The following HOXC11 variants were observed in gnomAD, a reference collection of about 807,000 sequenced individuals.
HOXC11 encodes the protein homeobox protein Hox-C11.
HOXC11 carries 17 observed loss-of-function variants against 23.6 expected under a neutral mutation model. The ratio of observed to expected loss-of-function variants is 0.72; its 90% CI spans 0.49 to 1.08. HOXC11 has a LOEUF of 1.08. Ranked by LOEUF, HOXC11 falls within the 50% of genes least tolerant of loss-of-function variation. The pLI is 0.00. For missense variants in HOXC11, 413 were observed against 412.1 expected (o/e 1.00, Z -0.02); for synonymous variants, 196 against 183.8 (o/e 1.07, Z -0.54).
rs1939200814 is a variant in HOXC11, at chr12:53,973,969, C to T, written c.682+46C>T. The T allele has an allele frequency of 3.6e-6, 5 of 1,402,830 alleles. No homozygotes were observed. The East Asian group carries it at 1.1e-4, about 30-fold the overall frequency. The allele number at this position is 1,402,830 out of a possible 1,614,324, so 86.9% of individuals were successfully genotyped here. On this transcript the variant is annotated intron_variant, in intron 1 of 1. Coordinates refer to ENST00000546378, the MANE Select transcript of HOXC11 (RefSeq NM_014212.4). The surrounding 1 kb of genome is among the most constrained non-coding windows in gnomAD (Gnocchi z 4.3). Reference sequence around the variant, plus strand: ...AACGGGCGGGCAGCGAGGGAGGGAGCGAGAGAGGGAGGGCGAGAGAAGGGG... The same window carrying T: ...AACGGGCGGGCAGCGAGGGAGGGAGTGAGAGAGGGAGGGCGAGAGAAGGGG...
At position 53,973,844 on chromosome 12, in the gene HOXC11, TGAG is replaced by T. The variant is rs779039291; in HGVS notation, c.610_612del (p.Glu204del). 1,113 of 1,434,670 alleles carry T rather than the reference TGAG, an allele frequency of 7.8e-4. 2 individuals carry two copies. The highest frequency in any genetic ancestry group is 1.7e-3 in the Middle Eastern group (9 of 5,182). The allele number at this position is 1,434,670 out of a possible 1,614,324, so 88.9% of individuals were successfully genotyped here. A position where few individuals can be genotyped will look rare whatever the true frequency, so the allele number is the denominator to read the frequency against. ...CTGAGGCGGGTGCCGAGGCGGAGGC[TGAG>T]GAGGAGAACACAAATCCCAGCTCGT... On this transcript the variant is annotated inframe_deletion, in exon 1 of 2. Transcript: ENST00000546378. The surrounding 1 kb of genome is among the most constrained non-coding windows in gnomAD (Gnocchi z 4.3).
intron 1 of HOXC11, 40 bp from the exon 2 acceptor site, chr12:53,975,141 T>TC: frequency 2.5e-6 from 2 of 795,506 alleles, no homozygotes; most frequent in South Asian, 1.6e-5. Flanking sequence ...CGTGTCTCTC[T>TC]CCCCCCTCTC....
In HOXC11 at chr12:53,975,950, A is replaced by T. The variant is rs1939250437; in HGVS notation, c.*537A>T. The T allele has an allele frequency of 3.9e-6, 1 of 258,294 alleles. No homozygotes were observed. The highest frequency in any genetic ancestry group is 5.3e-5 in the Admixed American group (1 of 18,788). The allele number at this position is 258,294 out of a possible 1,614,324, so 16.0% of individuals were successfully genotyped here. On this transcript the variant is annotated 3_prime_UTR_variant, in exon 2 of 2. Transcript: ENST00000546378. ...CTTCAACCTGGTGTTAGGTGTGCAA[A>T]GTCCGTGTCCTACCTCCGTCTTCGC...
rs1442707417 is a variant in HOXC11, at chr12:53,977,160, T to A, written c.*1747T>A. ...AGATGACCTGCGGGGACAGTCACCA[T>A]ACCCATCTATATTTGCTGCATGTTT... On this transcript the variant is annotated 3_prime_UTR_variant, in exon 2 of 2. Coordinates refer to ENST00000546378, the MANE Select transcript of HOXC11 (RefSeq NM_014212.4). The A allele has an allele frequency of 6.6e-6, 1 of 152,250 alleles. No individual in the cohort carries two copies. Among genetic ancestry groups the A allele is most frequent in the Non-Finnish European group, 1.5e-5 (1 of 68,066 alleles). 9.4% of individuals were successfully genotyped at this position (152,250 alleles called of 1,614,324 possible). A position where few individuals can be genotyped will look rare whatever the true frequency, so the allele number is the denominator to read the frequency against.
In HOXC11 at chr12:53,973,614, C is replaced by T; in HGVS notation, c.373C>T (p.His125Tyr). 6.2e-7 allele frequency: 1 copy of T among 1,613,762 alleles called. No homozygotes were observed. ...AAACGAAGGCTCCTACGGCGGCCAC[C>T]ACCACCCCAGCGCCCCGCACGCAAC... ...MKNEGSYGGHHHPSAPHATPA... is the reference protein window; with the variant it reads ...MKNEGSYGGHYHPSAPHATPA... The change falls in exon 1 of 2, where the codon CAC (histidine) becomes TAC (tyrosine). Residue 125 changes from histidine (H) to tyrosine (Y), a missense_variant. Physicochemically the swap from His to Tyr is moderately conservative, Grantham distance 83 (BLOSUM62 2). Transcript: ENST00000546378. The surrounding 1 kb of genome is among the most constrained non-coding windows in gnomAD (Gnocchi z 4.3).
rs1939245632 is a variant in HOXC11 at position 53,975,722 on chromosome 12, T to C, written c.*309T>C. The stretch of plus-strand genomic sequence containing the variant: ...GAAAACACACCTCGGCGACAATGTC[T>C]TGCTGCTCGGATTAGGTGGGGGAGG... On this transcript the variant is annotated 3_prime_UTR_variant, in exon 2 of 2. Transcript: ENST00000546378. The C allele has an allele frequency of 1.3e-5, 7 of 548,434 alleles. No individual in the cohort carries two copies. Among genetic ancestry groups the C allele is most frequent in the East Asian group, 9.0e-5 (3 of 33,342 alleles). 34.0% of individuals were successfully genotyped at this position (548,434 alleles called of 1,614,324 possible).
In HOXC11 at chr12:53,973,210, C is replaced by T. The variant is rs750802083; in HGVS notation, c.-32C>T. On this transcript the variant is annotated 5_prime_UTR_variant, in exon 1 of 2. Coordinates refer to ENST00000546378, the MANE Select transcript of HOXC11 (RefSeq NM_014212.4). This position sits in a 1 kb window ranked among gnomAD's most constrained non-coding sequence, Gnocchi z 4.3. ...CCCCCTCGCTAGACCGGGTCCAAAACCTCCATCCGGAGCCGGCAGGAGAGG... is the reference window on the plus strand; with the variant it reads ...CCCCCTCGCTAGACCGGGTCCAAAATCTCCATCCGGAGCCGGCAGGAGAGG... 2.6e-6 allele frequency: 4 copies of T among 1,520,168 alleles called. No individual in the cohort carries two copies. The South Asian group carries it at 5.2e-5, about 20-fold the overall frequency. The allele number at this position is 1,520,168 out of a possible 1,614,324, so 94.2% of individuals were successfully genotyped here.
chr12:53,977,208 G>T lies in HOXC11; in HGVS notation c.*1795G>T, dbSNP rs966940180. On this transcript the variant is annotated 3_prime_UTR_variant, in exon 2 of 2. Transcript: ENST00000546378. ...TTTCTTCTGTATAAAGATAATCATG[G>T]CCCTTGCAGTGCTTTCAGTGAGGGC... The T allele has an allele frequency of 6.6e-6, 1 of 152,204 alleles. No individual in the cohort carries two copies. Among genetic ancestry groups the T allele is most frequent in the African/African-American group, 2.4e-5 (1 of 41,434 alleles). The allele number at this position is 152,204 out of a possible 1,614,324, so 9.4% of individuals were successfully genotyped here.
At chr12:53,974,444 G>T (rs909568713) in intron 1 of HOXC11, among the ~76,000 whole-genome samples, 3 of 152,086 alleles carry the variant, frequency 2.0e-5, no homozygotes, top group African/African-American at 7.2e-5. Context: ...GGACCGCTAT[G>T]ATCCTTCTTA....
At position 53,975,440 on chromosome 12, in the gene HOXC11, G is replaced by C; in HGVS notation, c.*27G>C. 1.1e-6 allele frequency: 1 copy of C among 912,430 alleles called. No homozygotes were observed. Among genetic ancestry groups the C allele is most frequent in the Non-Finnish European group, 1.8e-6 (1 of 556,894 alleles). The allele number at this position is 912,430 out of a possible 1,614,324, so 56.5% of individuals were successfully genotyped here. ...CTGCAGACCGGGCCCTTTTGGGGGC[G>C]GGGGGAGGGGAAAATTATTTTATTT... On this transcript the variant is annotated 3_prime_UTR_variant, in exon 2 of 2. Transcript: ENST00000546378.
In HOXC11 at chr12:53,973,953, G is replaced by C; in HGVS notation, c.682+30G>C. The C allele has an allele frequency of 7.0e-7, 1 of 1,432,414 alleles. No individual in the cohort carries two copies. The allele number at this position is 1,432,414 out of a possible 1,614,324, so 88.7% of individuals were successfully genotyped here. A position where few individuals can be genotyped will look rare whatever the true frequency, so the allele number is the denominator to read the frequency against. On this transcript the variant is annotated intron_variant, in intron 1 of 1. Coordinates refer to ENST00000546378, the MANE Select transcript of HOXC11 (RefSeq NM_014212.4). This position sits in a 1 kb window ranked among gnomAD's most constrained non-coding sequence, Gnocchi z 4.3. ...GTAGCAGCGGCCGGGGAACGGGCGG[G>C]CAGCGAGGGAGGGAGCGAGAGAGGG...
At chr12:53,974,926 C>A in intron 1 of HOXC11, 1 of 499,702 alleles carries the variant, frequency 2.0e-6, no homozygotes, top group Non-Finnish European at 3.5e-6. Context: ...GTCCCAGACC[C>A]TGTCAGCCGC....
chr12:53,977,448 T>C lies in HOXC11; in HGVS notation c.*2035T>C. The C allele has an allele frequency of 6.6e-6, 1 of 152,220 alleles. No homozygotes were observed. The highest frequency in any genetic ancestry group is 1.9e-4 in the East Asian group (1 of 5,200). 9.4% of individuals were successfully genotyped at this position (152,220 alleles called of 1,614,324 possible). ...ATCCCTGCAGCTTAGGTATCTAAAT[T>C]TCTAATTTGTAAACGTGGGTCGGGT... On this transcript the variant is annotated 3_prime_UTR_variant, in exon 2 of 2. Coordinates refer to ENST00000546378, the MANE Select transcript of HOXC11 (RefSeq NM_014212.4).
chr12:53,973,786 A>C lies in HOXC11; in HGVS notation c.545A>C (p.Glu182Ala). ...SGKGEAKGEP[E>A]APPASGLASR... ...AAGGGCGAGGCCAAGGGGGAGCCCG[A>C]GGCACCCCCGGCCTCGGGACTGGCG... The change falls in exon 1 of 2, where the codon GAG (glutamate) becomes GCG (alanine). Residue 182 changes from glutamate to alanine, a missense_variant. Physicochemically the swap from Glu to Ala is moderately radical, Grantham distance 107. Coordinates refer to ENST00000546378, the MANE Select transcript of HOXC11 (RefSeq NM_014212.4). This position sits in a 1 kb window ranked among gnomAD's most constrained non-coding sequence, Gnocchi z 4.3. The C allele has an allele frequency of 6.2e-7, 1 of 1,602,978 alleles. No homozygotes were observed. The highest frequency in any genetic ancestry group is 8.5e-7 in the Non-Finnish European group (1 of 1,175,286).
rs746921839 is a variant in HOXC11 at position 53,975,347 on chromosome 12, A to G, written c.849A>G (p.Arg283=). 7 of 1,613,612 alleles carry G rather than the reference A, an allele frequency of 4.3e-6. No homozygotes were observed. The highest frequency in any genetic ancestry group is 3.3e-4 in the Middle Eastern group (2 of 6,014). ...AAGTGAAAATTTGGTTTCAGAACAG[A>G]AGGATGAAAGAAAAGAAACTGAGCA... ...DRQVKIWFQN[R]RMKEKKLSRD... The change falls in exon 2 of 2, where the codon AGA becomes AGG. Residue 283 remains arginine, a synonymous_variant. Coordinates refer to ENST00000546378, the MANE Select transcript of HOXC11 (RefSeq NM_014212.4).
chr12:53,975,309 CT>C lies in HOXC11; in HGVS notation c.812del (p.Leu271ArgfsTer6). Reference protein sequence around the residue: ...KRLQLSRMLNLTDRQVKIWFQ... With the variant: ...KRLQLSRMLNXTDRQVKIWFQ... ...GCTGCAGCTGTCCCGGATGCTGAACCTGACGGACCGACAAGTGAAAATTTGG... is the reference window on the plus strand; with the variant it reads ...GCTGCAGCTGTCCCGGATGCTGAACCGACGGACCGACAAGTGAAAATTTGG... On this transcript the variant is annotated frameshift_variant, in exon 2 of 2. Coordinates refer to ENST00000546378, the MANE Select transcript of HOXC11 (RefSeq NM_014212.4). LOFTEE classifies it high-confidence loss of function. The C allele has an allele frequency of 6.2e-7, 1 of 1,613,874 alleles. No individual in the cohort carries two copies. Among genetic ancestry groups the C allele is most frequent in the Non-Finnish European group, 8.5e-7 (1 of 1,179,952 alleles).
chr12:53,974,410 A>T (rs1014030970), intron 1 of HOXC11, among the ~76,000 whole-genome samples: 1 of 152,096 alleles, frequency 6.6e-6, no homozygotes, highest in East Asian at 1.9e-4. Context: ...ATGGAGCAGA[A>T]CCTGAGACCG....
Position 53,977,548 on chromosome 12 carries a change from A to G in HOXC11, c.*2135A>G, listed in dbSNP as rs1423604893. The G allele has an allele frequency of 6.6e-6, 1 of 152,312 alleles. No homozygotes were observed. Among genetic ancestry groups the G allele is most frequent in the East Asian group, 1.9e-4 (1 of 5,192 alleles). 9.4% of individuals were successfully genotyped at this position (152,312 alleles called of 1,614,324 possible). Reference sequence around the variant, plus strand: ...TCATGTGCCCACACACAAACGTTTTATTTAACTCGGTGTGCCTATGGGTGC... The same window carrying G: ...TCATGTGCCCACACACAAACGTTTTGTTTAACTCGGTGTGCCTATGGGTGC... On this transcript the variant is annotated 3_prime_UTR_variant, in exon 2 of 2. Coordinates refer to ENST00000546378, the MANE Select transcript of HOXC11 (RefSeq NM_014212.4).
chr12:53,973,437 C>A lies in HOXC11; in HGVS notation c.196C>A (p.Gln66Lys), dbSNP rs1939184970. ...SRQISYPYSA[Q>K]VPPVREVSYG... is the part of the protein sequence containing the mutation. ...TCAGATCTCCTATCCCTACTCGGCC[C>A]AAGTGCCCCCGGTCCGGGAGGTCTC... The change falls in exon 1 of 2, where the codon CAA becomes AAA. Residue 66 changes from glutamine to lysine, a missense_variant. Coordinates refer to ENST00000546378, the MANE Select transcript of HOXC11 (RefSeq NM_014212.4). This position sits in a 1 kb window ranked among gnomAD's most constrained non-coding sequence, Gnocchi z 4.3. 2 of 1,614,098 alleles carry A rather than the reference C, an allele frequency of 1.2e-6. No individual in the cohort carries two copies. The highest frequency in any genetic ancestry group is 2.7e-5 in the African/African-American group (2 of 74,936).
Sources: allele counts gnomAD v4.1 joint callset (sites outside exome capture counted in the v4.1 genomes callset), GRCh38; gene constraint gnomAD v4.1.1; non-coding constraint Gnocchi (gnomAD v3.1); transcripts MANE v1.5; gene names NCBI Gene and HGNC (gene_info 2026-07-23, HGNC 2026-07-21).